The following NFIC variants were observed in gnomAD, a reference collection of about 807,000 sequenced individuals.
NFIC encodes the protein nuclear factor 1 C-type.
NFIC carries 12 observed loss-of-function variants against 54.4 expected under a neutral mutation model. The observed-to-expected ratio is 0.22, with a 90% CI of 0.14 to 0.36. The LOEUF (loss-of-function observed/expected upper bound fraction) is 0.36. Ranked by LOEUF, NFIC falls within the 10% of genes least tolerant of loss-of-function variation. NFIC has a pLI of 1.00. For synonymous variants in NFIC, 322 were observed against 319.2 expected (o/e 1.01, Z -0.09); for missense variants, 575 against 718.2 (o/e 0.80, Z 2.28).
chr19:3,365,811 G>A (rs1337812028), upstream of NFIC, among the ~76,000 whole-genome samples: 1 of 152,056 alleles, frequency 6.6e-6, no homozygotes, highest in African/African-American at 2.4e-5. Context: ...TGGGTGAAGA[G>A]AGCAAATTCT....
chr19:3,366,556 C>CGGGGG, upstream of NFIC: 3 of 493,204 alleles, frequency 6.1e-6, no homozygotes, highest in African/African-American at 4.7e-5. Context: ...TTGGGGGGGG[C>CGGGGG]GGGGGGGTGG....
chr19:3,365,205 C>T (rs2080865226), upstream of NFIC, among the ~76,000 whole-genome samples: 1 of 152,204 alleles, frequency 6.6e-6, no homozygotes, highest in South Asian at 2.1e-4. Context: ...ATCTTCTGCG[C>T]CCCTGGGCCT....
intron 2 of NFIC, among the ~76,000 whole-genome samples, chr19:3,391,920 T>C (rs990745487): frequency 1.3e-5 from 2 of 152,184 alleles, no homozygotes; most frequent in South Asian, 2.1e-4. Flanking sequence ...GTCGTTATCA[T>C]GATCGTCATC....
chr19:3,369,546 C>T lies in NFIC; in HGVS notation c.30+2880C>T, dbSNP rs2080961621. Among the ~76,000 whole-genome samples, 1 of 152,208 alleles carries T rather than the reference C, an allele frequency of 6.6e-6. No individual in the cohort carries two copies. The highest frequency in any genetic ancestry group is 1.5e-5 in the Non-Finnish European group (1 of 68,030). ...GGGGGCATCTCGGTGCCAGCCCGCT[C>T]TGTGCCACCCGGGCCCGGCCCGCCG... On this transcript the variant is annotated intron_variant, in intron 1 of 10. Transcript: ENST00000443272. This position sits in a 1 kb window ranked among gnomAD's most constrained non-coding sequence, Gnocchi z 4.3.
rs10617203 is a variant in NFIC at position 3,465,430 on chromosome 19, TAAAAAAAA to T, written c.*2678_*2685del. 8.2e-5 allele frequency: 5 copies of T among 60,810 alleles called. No individual in the cohort carries two copies. Among genetic ancestry groups the T allele is most frequent in the African/African-American group, 2.3e-4 (4 of 17,088 alleles). The allele number at this position is 60,810 out of a possible 1,614,324, so 3.8% of individuals were successfully genotyped here. A position where few individuals can be genotyped will look rare whatever the true frequency, so the allele number is the denominator to read the frequency against. On this transcript the variant is annotated 3_prime_UTR_variant, in exon 11 of 11. Coordinates refer to ENST00000443272, the MANE Select transcript of NFIC (RefSeq NM_001245002.2). ...AATAAAAAATAAGAAAGTGAGAATCTAAAAAAAAAAAAAAAAAAAAAAAAGGAAGAAAA... is the reference window on the plus strand; with the variant it reads ...AATAAAAAATAAGAAAGTGAGAATCTAAAAAAAAAAAAAAAAGGAAGAAAA...
intron 2 of NFIC, among the ~76,000 whole-genome samples, chr19:3,395,011 T>C (rs926684762): frequency 6.6e-6 from 1 of 152,048 alleles, no homozygotes; most frequent in Admixed American, 6.6e-5. Context: ...GTCTCCCAAG[T>C]TGGGTTCTCG....
chr19:3,435,294 G>A (rs899501896), intron 6 of NFIC, 87 bp downstream of exon 6: 8 of 1,434,364 alleles, frequency 5.6e-6, no homozygotes, highest in Non-Finnish European at 6.5e-6. Context: ...CTGCGCGGGC[G>A]CCGCGGGGCA....
chr19:3,433,631 G>A, intron 4 of NFIC, 39 bp downstream of exon 4: 1 of 1,605,788 alleles, frequency 6.2e-7, no homozygotes, highest in African/African-American at 1.3e-5. Context: ...GTCTTGGAGA[G>A]GGGAGGGGGC....
Position 3,453,983 on chromosome 19 carries a change from C to T in NFIC, c.1423+67C>T. 7.0e-7 allele frequency: 1 copy of T among 1,430,200 alleles called. No individual in the cohort carries two copies. Among genetic ancestry groups the T allele is most frequent in the South Asian group, 1.5e-5 (1 of 66,864 alleles). The allele number at this position is 1,430,200 out of a possible 1,614,324, so 88.6% of individuals were successfully genotyped here. ...GCAGGGGGGCCTGTCCCCTCCCCAGCCCCACTGCCAGGTCAGAGGTCAGGC... is the reference window on the plus strand; with the variant it reads ...GCAGGGGGGCCTGTCCCCTCCCCAGTCCCACTGCCAGGTCAGAGGTCAGGC... On this transcript the variant is annotated intron_variant, in intron 9 of 10. Coordinates refer to ENST00000443272, the MANE Select transcript of NFIC (RefSeq NM_001245002.2). The surrounding 1 kb of genome is among the most constrained non-coding windows in gnomAD (Gnocchi z 6.7).
chr19:3,443,054 C>T (rs2082317704), intron 6 of NFIC, among the ~76,000 whole-genome samples: 1 of 152,206 alleles, frequency 6.6e-6, no homozygotes, highest in African/African-American at 2.4e-5. Context: ...TAGCACCCTG[C>T]AGTGCCCAGG....
At position 3,467,758 on chromosome 19, in the gene NFIC, CATATATATAT is replaced by C. The variant is rs551667735; in HGVS notation, c.*5011_*5020del. On this transcript the variant is annotated 3_prime_UTR_variant, in exon 11 of 11. Coordinates refer to ENST00000443272, the MANE Select transcript of NFIC (RefSeq NM_001245002.2). ...ACCTCCAGTGTAGGGCTATACTATA[CATATATATAT>C]ATATATATATATATATATATAATTT... is the stretch of plus-strand genomic sequence containing the variant. 264 of 69,636 alleles carry C rather than the reference CATATATATAT, an allele frequency of 3.8e-3. 7 individuals carry two copies. Among genetic ancestry groups the C allele is most frequent in the Non-Finnish European group, 4.6e-3 (193 of 42,332 alleles). The allele number at this position is 69,636 out of a possible 1,614,324, so 4.3% of individuals were successfully genotyped here.
intron 2 of NFIC, among the ~76,000 whole-genome samples, chr19:3,393,182 C>T (rs1295945324): frequency 1.3e-5 from 2 of 152,096 alleles, no homozygotes; most frequent in African/African-American, 4.8e-5. Flanking sequence ...ACCTCGGCCT[C>T]CCGAATTGCT....
intron 1 of NFIC, among the ~76,000 whole-genome samples, chr19:3,368,135 C>A (rs1050663078): frequency 6.6e-6 from 1 of 152,118 alleles, no homozygotes; most frequent in South Asian, 2.1e-4. Flanking sequence ...CGAGTGGGCA[C>A]GCTGTGTGAC....
At chr19:3,430,221 C>G (rs908038585) in intron 3 of NFIC, among the ~76,000 whole-genome samples, 11 of 151,854 alleles carry the variant, frequency 7.2e-5, no homozygotes, top group African/African-American at 2.4e-4. Flanking sequence ...GTACATTCAC[C>G]TCTATCTAAT....
At chr19:3,394,869 A>G (rs2081437850) in intron 2 of NFIC, among the ~76,000 whole-genome samples, 1 of 152,000 alleles carries the variant, frequency 6.6e-6, no homozygotes, top group African/African-American at 2.4e-5. Context: ...ACTAATGTCT[A>G]ATGTCTAGTT....
At chr19:3,374,735 G>A (rs954515681) in intron 1 of NFIC, among the ~76,000 whole-genome samples, 12 of 152,188 alleles carry the variant, frequency 7.9e-5, no homozygotes, top group East Asian at 1.9e-4. Flanking sequence ...CTCTTTTGCC[G>A]GTTGGGCCTC....
chr19:3,408,873 C>A (rs185164038), intron 2 of NFIC, among the ~76,000 whole-genome samples: 1 of 151,986 alleles, frequency 6.6e-6, no homozygotes, highest in Non-Finnish European at 1.5e-5. Flanking sequence ...CGTGAGCCAC[C>A]GCCCCTGGCT....
intron 2 of NFIC, among the ~76,000 whole-genome samples, chr19:3,385,269 C>T (rs1322204084): frequency 6.6e-6 from 1 of 151,080 alleles, no homozygotes; most frequent in African/African-American, 2.4e-5. Context: ...AGAGCTGGGC[C>T]TGGACTCCAA....
At position 3,462,957 on chromosome 19, in the gene NFIC, CAGAAGA is replaced by C. The variant is rs926546201; in HGVS notation, c.*202_*207del. ...TCAGGAGGAAAAGAAAAAACAAAGGCAGAAGAAGAAGAAGAAGAAATAAAAACCCAC... is the reference window on the plus strand; with the variant it reads ...TCAGGAGGAAAAGAAAAAACAAAGGCAGAAGAAGAAGAAATAAAAACCCAC... On this transcript the variant is annotated 3_prime_UTR_variant, in exon 11 of 11. Coordinates refer to ENST00000443272, the MANE Select transcript of NFIC (RefSeq NM_001245002.2). The C allele has an allele frequency of 3.2e-5, 46 of 1,428,322 alleles. No homozygotes were observed. The Middle Eastern group carries it at 6.4e-4, about 20-fold the overall frequency. The allele number at this position is 1,428,322 out of a possible 1,614,324, so 88.5% of individuals were successfully genotyped here.
Sources: allele counts gnomAD v4.1 joint callset (sites outside exome capture counted in the v4.1 genomes callset), GRCh38; gene constraint gnomAD v4.1.1; non-coding constraint Gnocchi (gnomAD v3.1); transcripts MANE v1.5; gene names NCBI Gene and HGNC (gene_info 2026-07-23, HGNC 2026-07-21).